Variants in TENM3 observed in about 807,000 individuals in gnomAD.
The protein encoded by TENM3 is teneurin-3.
In TENM3, 63 loss-of-function variants were observed where a neutral mutation model predicts 255.1. The ratio of observed to expected loss-of-function variants is 0.25; its 90% CI spans 0.20 to 0.30. TENM3 has a LOEUF of 0.30. Among genes scored for constraint, TENM3 ranks in the 10% least tolerant of loss-of-function variants. The pLI, the probability that TENM3 is intolerant of heterozygous loss-of-function variation, is 1.00. For synonymous variants in TENM3, 1,306 were observed against 1,322.3 expected, an observed-to-expected ratio of 0.99 and a Z score of 0.27; for missense variants, 2,929 against 3,461.1, an observed-to-expected ratio of 0.85 and a Z score of 3.86.
chr4:181,501,472 G>A, the TENM3 span, among the ~76,000 whole-genome samples: 3 of 151,634 alleles, frequency 2.0e-5, no homozygotes, highest in Admixed American at 1.3e-4. Context: ...TCCGCCTCCC[G>A]GGTTCAACTG....
chr4:182,176,821 A>AATTTTTTTTTTTTTTTTTTTTTT, intron 1 of TENM3, among the ~76,000 whole-genome samples: 1 of 113,358 alleles, frequency 8.8e-6, no homozygotes. Context: ...CATCCGGCTA[A>AATTTTTTTTTTTTTTTTTTTTTT]TTTTTTTTTT....
chr4:182,653,765 C>G lies in TENM3; in HGVS notation c.989-6C>G, dbSNP rs1297325266. 2 of 1,604,328 alleles carry G rather than the reference C, an allele frequency of 1.2e-6. No individual in the cohort carries two copies. The highest frequency in any genetic ancestry group is 1.7e-6 in the Non-Finnish European group (2 of 1,175,356). On this transcript the variant is annotated splice_region_variant and splice_polypyrimidine_tract_variant and intron_variant, in intron 5 of 27. Coordinates refer to ENST00000511685, the MANE Select transcript of TENM3 (RefSeq NM_001080477.4). ...TCTTTAAACAACTTGTGTTCTTTAC[C>G]CCCAGCAATGCATCTCTTTGGCCTC...
At chr4:181,640,543 C>T in the TENM3 span, among the ~76,000 whole-genome samples, 7 of 152,276 alleles carry the variant, frequency 4.6e-5, no homozygotes, top group African/African-American at 1.7e-4. Context: ...TGTAAAATTT[C>T]CAACACAACA....
chr4:182,319,152 G>A (rs993954806), intron 1 of TENM3, among the ~76,000 whole-genome samples: 1 of 152,046 alleles, frequency 6.6e-6, no homozygotes, highest in African/African-American at 2.4e-5. Flanking sequence ...CAAAGGCTTT[G>A]CCCACTGATG....
intron 1 of TENM3, among the ~76,000 whole-genome samples, chr4:182,301,210 C>T (rs1761833840): frequency 6.6e-6 from 1 of 152,176 alleles, no homozygotes; most frequent in Non-Finnish European, 1.5e-5. Flanking sequence ...TAGAGTCAAA[C>T]ATATGCCAAC....
At chr4:182,690,262 G>A (rs912593515) in intron 12 of TENM3, among the ~76,000 whole-genome samples, 3 of 152,168 alleles carry the variant, frequency 2.0e-5, no homozygotes, top group Non-Finnish European at 2.9e-5. Flanking sequence ...CACAGGGCTC[G>A]TCCCCACTGA....
chr4:182,161,415 CAA>C (rs70954290), intron 1 of TENM3, among the ~76,000 whole-genome samples: 21,340 of 43,778 alleles, frequency 0.49, 4,596 homozygotes, highest in Middle Eastern at 0.56. Flanking sequence ...GACTCCGTCT[CAA>C]AAAAAAAAAA....
intron 11 of TENM3, among the ~76,000 whole-genome samples, chr4:182,687,301 CAA>C (rs945341556): frequency 7.2e-5 from 11 of 152,094 alleles, no homozygotes; most frequent in Non-Finnish European, 1.0e-4. Context: ...AAATAACCTT[CAA>C]AGTTTCTTTT....
intron 3 of TENM3, among the ~76,000 whole-genome samples, chr4:182,484,203 C>A (rs1734479053): frequency 6.6e-6 from 1 of 152,026 alleles, no homozygotes; most frequent in Non-Finnish European, 1.5e-5. Flanking sequence ...ATCCTTACAC[C>A]AATCCGATAA....
chr4:182,693,355 G>A (rs569975785), intron 12 of TENM3, among the ~76,000 whole-genome samples: 17 of 144,882 alleles, frequency 1.2e-4, no homozygotes, highest in Middle Eastern at 3.6e-3. Context: ...TTTTTCTTTC[G>A]AGATAGAATC....
chr4:182,389,814 T>C (rs1450542180), intron 3 of TENM3, among the ~76,000 whole-genome samples: 1 of 151,502 alleles, frequency 6.6e-6, no homozygotes, highest in East Asian at 1.9e-4. Flanking sequence ...GCCTCCCGAG[T>C]AGCTGGGACT....
At chr4:181,882,958 A>G in the TENM3 span, among the ~76,000 whole-genome samples, 1 of 152,190 alleles carries the variant, frequency 6.6e-6, no homozygotes, top group Admixed American at 6.5e-5. Context: ...TGTCAAATTA[A>G]CAGCAGCCCA....
At chr4:182,553,110 G>A (rs1742221153) in intron 3 of TENM3, among the ~76,000 whole-genome samples, 1 of 151,878 alleles carries the variant, frequency 6.6e-6, no homozygotes, top group African/African-American at 2.4e-5. Flanking sequence ...TTTTAGACAG[G>A]GTCTCACTGT....
chr4:182,356,704 T>G (rs1765562216), intron 3 of TENM3, among the ~76,000 whole-genome samples: 1 of 151,918 alleles, frequency 6.6e-6, no homozygotes, highest in South Asian at 2.1e-4. Context: ...TAAATATATT[T>G]TTAAAATTAT....
intron 19 of TENM3, among the ~76,000 whole-genome samples, chr4:182,746,793 G>A (rs1037921417): frequency 2.0e-5 from 3 of 152,202 alleles, no homozygotes; most frequent in African/African-American, 7.2e-5. Flanking sequence ...AGAATGGAGA[G>A]TATTTGTCTA....
intron 1 of TENM3, among the ~76,000 whole-genome samples, chr4:182,264,397 A>T (rs966399282): frequency 1.9e-4 from 29 of 152,328 alleles, no homozygotes; most frequent in African/African-American, 6.7e-4. Flanking sequence ...CATTTTAACC[A>T]CGTGGCGGTA....
At chr4:182,527,703 G>A (rs1399123327) in intron 3 of TENM3, among the ~76,000 whole-genome samples, 1 of 151,292 alleles carries the variant, frequency 6.6e-6, no homozygotes, top group Non-Finnish European at 1.5e-5. Context: ...TTAAGTCAAA[G>A]TTTGTTTTTT....
At chr4:182,295,248 GTGCTT>G (rs1305956859) in intron 1 of TENM3, among the ~76,000 whole-genome samples, 1 of 143,624 alleles carries the variant, frequency 7.0e-6, no homozygotes, top group African/African-American at 2.6e-5. Context: ...AGTGGTATAT[GTGCTT>G]TGCTTTTCTT....
At chr4:181,877,979 T>A in the TENM3 span, among the ~76,000 whole-genome samples, 4 of 152,086 alleles carry the variant, frequency 2.6e-5, no homozygotes, top group African/African-American at 7.2e-5. Context: ...CTGCTAAACA[T>A]GTTTAAGGTT....
Sources: gnomAD v4.1 joint callset for allele counts (sites outside exome capture counted in the v4.1 genomes callset) on GRCh38, gnomAD v4.1.1 for gene constraint, MANE v1.5 for transcripts, NCBI Gene and HGNC (gene_info 2026-07-23, HGNC 2026-07-21) for gene names.